The following PHKA1 variants were observed in gnomAD, a reference collection of about 807,000 sequenced individuals.
PHKA1 encodes the protein phosphorylase b kinase regulatory subunit alpha, skeletal muscle isoform.
A neutral mutation model predicts 110.2 loss-of-function variants in PHKA1; 60 were observed. That is an observed-to-expected ratio of 0.54 (90% CI 0.44 to 0.68). The LOEUF (loss-of-function observed/expected upper bound fraction) is 0.68, where lower values mean the gene tolerates loss of function less well. Among genes scored for constraint, PHKA1 ranks in the 30% least tolerant of loss-of-function variants. PHKA1 has a pLI of 0.00. For missense variants in PHKA1, 801 were observed against 942.5 expected, an observed-to-expected ratio of 0.85 and a Z score of 1.97; for synonymous variants, 316 against 333.6, an observed-to-expected ratio of 0.95 and a Z score of 0.58.
At chrX:72,666,012 A>C in intron 8 of PHKA1, 139 bp downstream of exon 8, 1 of 619,952 alleles carries the variant, frequency 1.6e-6, no homozygotes, top group Non-Finnish European at 2.5e-6. Flanking sequence ...TAACACTTTT[A>C]AAAGAAACTA....
chrX:72,628,432 G>A (rs1321489713), intron 16 of PHKA1, among the ~76,000 whole-genome samples: 18 of 106,987 alleles, frequency 1.7e-4, no homozygotes, highest in Non-Finnish European at 2.9e-4. Flanking sequence ...TCTTTCAACC[G>A]CATCCACAGT....
At chrX:72,615,936 G>A (rs151202730) in intron 21 of PHKA1, among the ~76,000 whole-genome samples, 274 of 112,210 alleles carry the variant, frequency 2.4e-3, no homozygotes, top group African/African-American at 8.7e-3. Flanking sequence ...AAAGCCAAGA[G>A]CCAACTATAT....
intron 15 of PHKA1, 87 bp downstream of exon 15, chrX:72,636,190 T>A: frequency 1.7e-6 from 1 of 587,091 alleles, no homozygotes; most frequent in Non-Finnish European, 2.9e-6. Context: ...TTGACACTTA[T>A]CCCAACTCCA....
In PHKA1 at chrX:72,671,627, A is replaced by C. The variant is rs1249466548; in HGVS notation, c.619-4154T>G. Reference sequence around the variant, plus strand: ...GAACCAAAAAAGAGCCCGCGTCGCCAAGTCAATCCTAAGCCAAAAGAACAA... The same window carrying C: ...GAACCAAAAAAGAGCCCGCGTCGCCCAGTCAATCCTAAGCCAAAAGAACAA... On this transcript the variant is annotated intron_variant, in intron 6 of 31. Coordinates refer to ENST00000373542, the MANE Select transcript of PHKA1 (RefSeq NM_002637.4). 2.7e-5 allele frequency among the ~76,000 whole-genome samples: 3 copies of C among 111,822 alleles called. No individual in the cohort carries two copies. The Admixed American group carries it at 2.8e-4, about 11-fold the overall frequency.
intron 28 of PHKA1, among the ~76,000 whole-genome samples, chrX:72,595,202 A>T (rs782344433): frequency 6.2e-5 from 7 of 112,288 alleles, no homozygotes; most frequent in Non-Finnish European, 9.4e-5. Flanking sequence ...CATCATCTTA[A>T]TAGATACAGA....
Position 72,626,971 on chromosome X carries a change from C to A in PHKA1, c.1793G>T (p.Arg598Met). ...TAAAGAGTGTATAGAGGTCACTTAC[C>A]TTGCCCCACCAAAATACCCATCTTG... Reference protein sequence around the residue: ...KMQDGYFGGARVQTGKLSEFL... With the variant: ...KMQDGYFGGAMVQTGKLSEFL... The change falls in exon 17 of 32, where the codon AGG becomes ATG. Residue 598 changes from arginine (R) to methionine (M), a missense_variant and splice_region_variant. Physicochemically the swap from Arg to Met is moderately conservative, Grantham distance 91. Transcript: ENST00000373542. 8.3e-7 allele frequency: 1 copy of A among 1,198,638 alleles called. No homozygotes were observed.
At position 72,650,438 on chromosome X, in the gene PHKA1, G is replaced by A; in HGVS notation, c.1276C>T (p.Leu426=). 1 of 1,209,357 alleles carries A rather than the reference G, an allele frequency of 8.3e-7. No homozygotes were observed. The highest frequency in any genetic ancestry group is 1.1e-6 in the Non-Finnish European group (1 of 893,567). The change falls in exon 13 of 32, where the codon CTG becomes TTG. Residue 426 remains leucine (L), a synonymous_variant. Transcript: ENST00000373542. ...GGTACAGTAGAAAACCTGCGATTCAGGGGATCAATTTCTCCAGGGGCTAAA... is the reference window on the plus strand; with the variant it reads ...GGTACAGTAGAAAACCTGCGATTCAAGGGATCAATTTCTCCAGGGGCTAAA... ...GFLAPGEIDP[L]NRRFSTVPKP...
chrX:72,627,115 T>A, intron 16 of PHKA1, 66 bp from the exon 17 acceptor site: 2 of 834,951 alleles, frequency 2.4e-6, no homozygotes, highest in Non-Finnish European at 3.6e-6. Context: ...AGAAATCTTG[T>A]AATTATTTCA....
intron 5 of PHKA1, among the ~76,000 whole-genome samples, chrX:72,681,697 G>A (rs2053878348): frequency 1.2e-5 from 1 of 81,009 alleles, no homozygotes; most frequent in Admixed American, 1.3e-4. Flanking sequence ...CACCTGGCCA[G>A]CCGCCCCGTC....
chrX:72,681,687 C>A (rs1224142219), intron 5 of PHKA1, among the ~76,000 whole-genome samples: 1 of 86,079 alleles, frequency 1.2e-5, no homozygotes. Context: ...GTCAGCCCCC[C>A]ACCTGGCCAG....
chrX:72,652,210 T>C (rs143626871), intron 12 of PHKA1, among the ~76,000 whole-genome samples: 199 of 111,897 alleles, frequency 1.8e-3, no homozygotes, highest in African/African-American at 6.1e-3. Context: ...CCATTATCAG[T>C]AATTAACTAG....
rs782436855 is a variant in PHKA1, at chrX:72,605,662, C to T, written c.2607-43G>A. 9 of 974,214 alleles carry T rather than the reference C, an allele frequency of 9.2e-6. No individual in the cohort carries two copies. The South Asian group carries it at 1.8e-4, about 19-fold the overall frequency. 80.3% of individuals were successfully genotyped at this position (974,214 alleles called of 1,213,427 possible). Reference sequence around the variant, plus strand: ...AAAGAAAGACAATATTCTACAACCACTTAATCTTAAATATGTTGAAAAAAT... The same window carrying T: ...AAAGAAAGACAATATTCTACAACCATTTAATCTTAAATATGTTGAAAAAAT... On this transcript the variant is annotated intron_variant, in intron 23 of 31. Transcript: ENST00000373542.
rs781976583 is a variant in PHKA1, at chrX:72,650,436, CA to C, written c.1277del (p.Leu426ArgfsTer20). ...TCGGTACAGTAGAAAACCTGCGATT[CA>C]GGGGATCAATTTCTCCAGGGGCTAA... ...GFLAPGEIDP[L>X]NRRFSTVPKP... On this transcript the variant is annotated frameshift_variant, in exon 13 of 32. Coordinates refer to ENST00000373542, the MANE Select transcript of PHKA1 (RefSeq NM_002637.4). LOFTEE classifies it high-confidence loss of function. 2.5e-6 allele frequency: 3 copies of C among 1,209,486 alleles called. No individual in the cohort carries two copies. In the South Asian group the frequency reaches 5.3e-5, roughly 21 times the overall value.
At chrX:72,593,479 C>A (rs1556229358) in intron 28 of PHKA1, 4 of 369,030 alleles carry the variant, frequency 1.1e-5, no homozygotes, top group Non-Finnish European at 1.9e-5. Context: ...GTAGCTAGGA[C>A]TACAGGCGCC....
chrX:72,701,378 C>T (rs1556329491), intron 3 of PHKA1, among the ~76,000 whole-genome samples: 1 of 112,025 alleles, frequency 8.9e-6, no homozygotes, highest in Non-Finnish European at 1.9e-5. Context: ...TCAAACAACT[C>T]ATAGATATTT....
chrX:72,628,472 G>A (rs2053117471), intron 16 of PHKA1, among the ~76,000 whole-genome samples: 2 of 106,606 alleles, frequency 1.9e-5, no homozygotes, highest in Non-Finnish European at 3.8e-5. Flanking sequence ...TCATTTTCAT[G>A]TTTCAAAATC....
chrX:72,630,999 G>GTTTTTTTTTTT (rs146161152), intron 16 of PHKA1, among the ~76,000 whole-genome samples: 9 of 44,705 alleles, frequency 2.0e-4, no homozygotes, highest in East Asian at 5.5e-4. Flanking sequence ...ATTTTTTCAG[G>GTTTTTTTTTTT]TTTTTTTTTT....
intron 3 of PHKA1, among the ~76,000 whole-genome samples, chrX:72,704,926 C>T (rs1332377181): frequency 9.0e-6 from 1 of 111,519 alleles, no homozygotes; most frequent in Non-Finnish European, 1.9e-5. Context: ...CATCTTTTCA[C>T]CCTACATACA....
chrX:72,653,526 T>C lies in PHKA1; in HGVS notation c.1046A>G (p.Gln349Arg). The C allele has an allele frequency of 8.5e-7, 1 of 1,176,228 alleles. No homozygotes were observed. Among genetic ancestry groups the C allele is most frequent in the Non-Finnish European group, 1.2e-6 (1 of 864,484 alleles). Residue 349 changes from glutamine (Q) to arginine (R), a missense_variant, in exon 11 of 32, where the codon CAA becomes CGA. By Grantham distance (43) the Gln-to-Arg change is conservative (BLOSUM62 1). Around this residue, in one of 2 missense-constraint regions of PHKA1, gnomAD observed 299 missense variants for 423.3 expected, o/e 0.71. Coordinates refer to ENST00000373542, the MANE Select transcript of PHKA1 (RefSeq NM_002637.4). ...TGCTTCAAGAGCCTCTTTATATTCT[T>C]GAACCTGCAGATAAAAGAAAGGCAG... ...GVFSGNAEQV[Q>R]EYKEALEAVL...
Sources: gnomAD v4.1 joint callset for allele counts (sites outside exome capture counted in the v4.1 genomes callset) on GRCh38, gnomAD v4.1.1 for gene constraint, gnomAD v4.1.1 regional missense constraint, MANE v1.5 for transcripts, NCBI Gene and HGNC (gene_info 2026-07-23, HGNC 2026-07-21) for gene names.